The following JMJD1C variants were observed in gnomAD, a reference collection of about 807,000 sequenced individuals.
The protein encoded by JMJD1C is jumonji domain-containing protein 1C.
JMJD1C carries 31 observed loss-of-function variants against 245.3 expected under a neutral mutation model. The ratio of observed to expected loss-of-function variants is 0.13; its 90% CI spans 0.09 to 0.17. The LOEUF (loss-of-function observed/expected upper bound fraction) is 0.17, where lower values mean the gene tolerates loss of function less well. Among genes scored for constraint, JMJD1C ranks in the 10% least tolerant of loss-of-function variants. The pLI is 1.00. For synonymous variants in JMJD1C, 1,057 were observed against 1,017.4 expected (o/e 1.04, Z -0.74); for missense variants, 2,691 against 3,000.2 (o/e 0.90, Z 2.41).
chr10:63,173,965 A>C (rs1842638590), intron 24 of JMJD1C, among the ~76,000 whole-genome samples: 1 of 152,204 alleles, frequency 6.6e-6, no homozygotes, highest in Non-Finnish European at 1.5e-5. Flanking sequence ...GTCATTAAGA[A>C]AGTACAAAGT....
chr10:63,248,529 G>GATAA (rs373943626), intron 3 of JMJD1C, among the ~76,000 whole-genome samples: 15,841 of 136,810 alleles, frequency 0.12, 1,464 homozygotes, highest in East Asian at 0.23. Flanking sequence ...TCAATAGATA[G>GATAA]ATAAATAAAT....
Position 63,295,338 on chromosome 10 carries a change from C to A in JMJD1C, c.334-30574G>T, listed in dbSNP as rs911290093. On this transcript the variant is annotated intron_variant, in intron 2 of 25. Coordinates refer to ENST00000399262, the MANE Select transcript of JMJD1C (RefSeq NM_032776.3). ...CTCCTGGCCTGAAGTGATACTCCTGCCTCAGCCTCCTAAAGTGCTCGGCCA... is the reference window on the plus strand; with the variant it reads ...CTCCTGGCCTGAAGTGATACTCCTGACTCAGCCTCCTAAAGTGCTCGGCCA... 2.0e-5 allele frequency among the ~76,000 whole-genome samples: 3 copies of A among 151,844 alleles called. No homozygotes were observed. In the East Asian group the frequency reaches 5.8e-4, roughly 29 times the overall value.
chr10:63,450,300 T>A (rs1167350872), intron 1 of JMJD1C, among the ~76,000 whole-genome samples: 1 of 151,682 alleles, frequency 6.6e-6, no homozygotes, highest in Non-Finnish European at 1.5e-5. Context: ...GGCAGGAGGA[T>A]CATTTGAGGC....
intron 16 of JMJD1C, among the ~76,000 whole-genome samples, chr10:63,192,351 C>G (rs1002715983): frequency 6.6e-6 from 1 of 151,724 alleles, no homozygotes; most frequent in Non-Finnish European, 1.5e-5. Context: ...AGATGGATTA[C>G]CCGAAGTCAG....
chr10:63,288,621 G>A (rs1331359559), intron 2 of JMJD1C, among the ~76,000 whole-genome samples: 1 of 152,012 alleles, frequency 6.6e-6, no homozygotes, highest in Non-Finnish European at 1.5e-5. Context: ...ATATTTCAAG[G>A]GCTGAATACA....
chr10:63,427,846 G>A, intron 1 of JMJD1C: 1 of 967,644 alleles, frequency 1.0e-6, no homozygotes, highest in East Asian at 2.4e-5. Flanking sequence ...GACAGCCAAG[G>A]AAGCCAAGGA....
chr10:63,397,549 T>C (rs181321575), intron 1 of JMJD1C, among the ~76,000 whole-genome samples: 5 of 152,042 alleles, frequency 3.3e-5, no homozygotes, highest in African/African-American at 1.2e-4. Flanking sequence ...TTATTGTATT[T>C]TTGAACAGGA....
chr10:63,391,496 T>C (rs549366724), intron 1 of JMJD1C, among the ~76,000 whole-genome samples: 2 of 141,554 alleles, frequency 1.4e-5, no homozygotes, highest in African/African-American at 5.1e-5. Flanking sequence ...GGCGACAGAG[T>C]GAGACTCCGT....
intron 2 of JMJD1C, among the ~76,000 whole-genome samples, chr10:63,365,755 C>T (rs1411159679): frequency 6.6e-6 from 1 of 152,188 alleles, no homozygotes; most frequent in Admixed American, 6.6e-5. Flanking sequence ...GGGCATTAAA[C>T]TGGATGATGA....
intron 2 of JMJD1C, among the ~76,000 whole-genome samples, chr10:63,335,014 C>A (rs575639051): frequency 8.8e-6 from 1 of 113,382 alleles, no homozygotes; most frequent in Admixed American, 9.5e-5. Context: ...AGCCAAGACT[C>A]TGTCTTTGGA....
intron 1 of JMJD1C, among the ~76,000 whole-genome samples, chr10:63,463,257 C>T (rs149022013): frequency 5.3e-5 from 8 of 152,284 alleles, no homozygotes; most frequent in African/African-American, 1.7e-4. Context: ...CTCAACCTCA[C>T]TGAGCTCAGG....
chr10:63,206,173 T>C (rs114997213), intron 10 of JMJD1C, among the ~76,000 whole-genome samples: 88 of 152,308 alleles, frequency 5.8e-4, no homozygotes, highest in African/African-American at 1.7e-3. Flanking sequence ...AATATGTGTA[T>C]GTGAGCAGAA....
intron 1 of JMJD1C, among the ~76,000 whole-genome samples, chr10:63,463,185 G>A (rs967704911): frequency 6.6e-6 from 1 of 151,964 alleles, no homozygotes; most frequent in Non-Finnish European, 1.5e-5. Flanking sequence ...TTTATTTAGA[G>A]ACAGGATCTC....
intron 10 of JMJD1C, chr10:63,203,527 C>G: frequency 5.1e-6 from 5 of 974,434 alleles, no homozygotes; most frequent in Non-Finnish European, 6.1e-6. Flanking sequence ...TGATCATAAA[C>G]CACTGGTTTT....
chr10:63,363,309 A>C (rs1589586927), intron 2 of JMJD1C, among the ~76,000 whole-genome samples: 1 of 129,122 alleles, frequency 7.7e-6, no homozygotes, highest in South Asian at 2.4e-4. Flanking sequence ...TCCAGGCTGG[A>C]GTGCAGCGGT....
At chr10:63,226,745 A>G (rs1357930275) in intron 3 of JMJD1C, among the ~76,000 whole-genome samples, 3 of 145,596 alleles carry the variant, frequency 2.1e-5, no homozygotes, top group Admixed American at 1.4e-4. Flanking sequence ...AGAGAGAGAG[A>G]AGGACATGAT....
At chr10:63,496,335 G>T (rs1954365982) in intron 1 of JMJD1C, among the ~76,000 whole-genome samples, 1 of 151,890 alleles carries the variant, frequency 6.6e-6, no homozygotes, top group African/African-American at 2.4e-5. Context: ...ACTTTATTTT[G>T]ATCTCAACTT....
Position 63,213,990 on chromosome 10 carries a change from G to A in JMJD1C, c.2177C>T (p.Ala726Val), listed in dbSNP as rs1342940461. 2 of 1,614,128 alleles carry A rather than the reference G, an allele frequency of 1.2e-6. No homozygotes were observed. Among genetic ancestry groups the A allele is most frequent in the South Asian group, 2.2e-5 (2 of 91,080 alleles). ...DPALIGSETG[A>V]NHISPFLSQH... ...GCTTAGGAAAGGTGAAATATGATTAGCTCCTGTTTCTGACCCAATAAGTGC... is the reference window on the plus strand; with the variant it reads ...GCTTAGGAAAGGTGAAATATGATTAACTCCTGTTTCTGACCCAATAAGTGC... The change falls in exon 8 of 26, where the codon GCT (alanine) becomes GTT (valine). Residue 726 changes from alanine to valine, a missense_variant. Ala to Val is a moderately conservative substitution (Grantham distance 64). Coordinates refer to ENST00000399262, the MANE Select transcript of JMJD1C (RefSeq NM_032776.3).
At chr10:63,270,476 T>C (rs1437282549) in intron 2 of JMJD1C, among the ~76,000 whole-genome samples, 1 of 151,384 alleles carries the variant, frequency 6.6e-6, no homozygotes, top group African/African-American at 2.4e-5. Context: ...GCCTCTTCTT[T>C]TTTTTTTTGA....
Sources: allele counts gnomAD v4.1 joint callset (sites outside exome capture counted in the v4.1 genomes callset), GRCh38; gene constraint gnomAD v4.1.1; transcripts MANE v1.5; gene names NCBI Gene and HGNC (gene_info 2026-07-23, HGNC 2026-07-21).